Variants in NXPH1 observed in about 807,000 individuals in gnomAD.
The protein encoded by NXPH1 is neurexophilin 1.
Under a neutral mutation model 23.7 loss-of-function variants are expected in NXPH1, and 5 were observed. The ratio of observed to expected loss-of-function variants is 0.21; its 90% CI spans 0.11 to 0.44. The LOEUF (loss-of-function observed/expected upper bound fraction) is 0.44. Among genes scored for constraint, NXPH1 ranks in the 20% least tolerant of loss-of-function variants. NXPH1 has a pLI of 0.99. For missense variants in NXPH1, 324 were observed against 321.6 expected (o/e 1.01, Z -0.06); for synonymous variants, 144 against 122.2 (o/e 1.18, Z -1.18).
intron 2 of NXPH1, among the ~76,000 whole-genome samples, chr7:8,450,870 C>G (rs1431129368): frequency 6.6e-6 from 1 of 152,184 alleles, no homozygotes; most frequent in Non-Finnish European, 1.5e-5. Flanking sequence ...TTCTAGTAAT[C>G]TACTTTTTAA....
At chr7:8,468,275 C>A (rs868412521) in intron 2 of NXPH1, among the ~76,000 whole-genome samples, 3 of 152,028 alleles carry the variant, frequency 2.0e-5, no homozygotes, top group African/African-American at 7.2e-5. Flanking sequence ...TAAGAATGAT[C>A]TTTCCTTGGA....
At chr7:8,578,657 C>A (rs2128623279) in intron 2 of NXPH1, among the ~76,000 whole-genome samples, 2 of 152,226 alleles carry the variant, frequency 1.3e-5, no homozygotes, top group East Asian at 3.9e-4. Flanking sequence ...GAGGTCATAG[C>A]AGAAATAAAG....
intron 2 of NXPH1, among the ~76,000 whole-genome samples, chr7:8,677,642 A>G (rs934710195): frequency 5.3e-5 from 8 of 152,152 alleles, no homozygotes; most frequent in Admixed American, 2.6e-4. Context: ...GTGAAATGAA[A>G]AAAGAAAGAA....
At chr7:8,608,577 T>C (rs1179634273) in intron 2 of NXPH1, among the ~76,000 whole-genome samples, 1 of 152,094 alleles carries the variant, frequency 6.6e-6, no homozygotes, top group Admixed American at 6.6e-5. Flanking sequence ...AAGTAAAATA[T>C]AGAAATTTGA....
intron 2 of NXPH1, among the ~76,000 whole-genome samples, chr7:8,714,054 G>T (rs545257456): frequency 7.9e-5 from 12 of 152,208 alleles, no homozygotes; most frequent in Non-Finnish European, 1.8e-4. Context: ...GGTGGGTTCA[G>T]AAATGCAGTC....
At chr7:8,448,633 A>G (rs1456189110) in intron 2 of NXPH1, among the ~76,000 whole-genome samples, 1 of 152,098 alleles carries the variant, frequency 6.6e-6, no homozygotes, top group African/African-American at 2.4e-5. Context: ...CCTGGGCAAC[A>G]TGGTGAAACC....
At chr7:8,552,579 G>A (rs1326080104) in intron 2 of NXPH1, among the ~76,000 whole-genome samples, 3 of 151,566 alleles carry the variant, frequency 2.0e-5, no homozygotes, top group East Asian at 3.9e-4. Context: ...TTAACCTTGT[G>A]CTGTGTAGAG....
At chr7:8,464,891 G>A (rs983917619) in intron 2 of NXPH1, among the ~76,000 whole-genome samples, 2 of 152,172 alleles carry the variant, frequency 1.3e-5, no homozygotes, top group African/African-American at 4.8e-5. Context: ...CCATGTTCTG[G>A]AAGGCCTGAA....
At chr7:8,715,630 A>G (rs773588456) in intron 2 of NXPH1, among the ~76,000 whole-genome samples, 4 of 152,224 alleles carry the variant, frequency 2.6e-5, no homozygotes, top group Non-Finnish European at 5.9e-5. Context: ...ATTAAAAATA[A>G]AATGATTTGG....
At chr7:8,702,458 C>T (rs1779639440) in intron 2 of NXPH1, among the ~76,000 whole-genome samples, 1 of 152,108 alleles carries the variant, frequency 6.6e-6, no homozygotes, top group Non-Finnish European at 1.5e-5. Flanking sequence ...TCCTTGGATT[C>T]ACATTACTGC....
At chr7:8,605,511 CAG>C (rs893237412) in intron 2 of NXPH1, among the ~76,000 whole-genome samples, 3 of 152,224 alleles carry the variant, frequency 2.0e-5, no homozygotes, top group African/African-American at 7.2e-5. Context: ...TTACTTGTCA[CAG>C]AGAGGAGCTC....
At chr7:8,632,844 C>G (rs1225398342) in intron 2 of NXPH1, among the ~76,000 whole-genome samples, 1 of 152,166 alleles carries the variant, frequency 6.6e-6, no homozygotes, top group Non-Finnish European at 1.5e-5. Flanking sequence ...TATTGAACCA[C>G]AGTCTACTTA....
chr7:8,646,540 TA>T (rs1820402489), intron 2 of NXPH1, among the ~76,000 whole-genome samples: 1 of 152,146 alleles, frequency 6.6e-6, no homozygotes, highest in Non-Finnish European at 1.5e-5. Flanking sequence ...TTCTTGCTTT[TA>T]AAAGAAATAT....
At chr7:8,512,516 A>C (rs1335149950) in intron 2 of NXPH1, among the ~76,000 whole-genome samples, 1 of 152,050 alleles carries the variant, frequency 6.6e-6, no homozygotes, top group Non-Finnish European at 1.5e-5. Flanking sequence ...GATATTTGAG[A>C]GGGTGATTAT....
At chr7:8,653,724 C>T (rs1820525956) in intron 2 of NXPH1, among the ~76,000 whole-genome samples, 1 of 152,182 alleles carries the variant, frequency 6.6e-6, no homozygotes, top group African/African-American at 2.4e-5. Flanking sequence ...CCATCTGCTT[C>T]TTTGGGTAAT....
intron 2 of NXPH1, among the ~76,000 whole-genome samples, chr7:8,495,666 C>T (rs1487951403): frequency 6.6e-6 from 1 of 151,938 alleles, no homozygotes; most frequent in Non-Finnish European, 1.5e-5. Flanking sequence ...TGTGGATATG[C>T]AGAGGAAGAA....
chr7:8,483,302 C>T (rs748845803), intron 2 of NXPH1, among the ~76,000 whole-genome samples: 5 of 151,984 alleles, frequency 3.3e-5, no homozygotes, highest in African/African-American at 1.2e-4. Flanking sequence ...TTAAGCATTG[C>T]TCTTAGCACT....
chr7:8,475,732 C>T (rs916951011), intron 2 of NXPH1, among the ~76,000 whole-genome samples: 28 of 152,090 alleles, frequency 1.8e-4, no homozygotes, highest in Admixed American at 1.7e-3. Context: ...TTTACCTCTT[C>T]ACCTCTTCTA....
chr7:8,445,477 A>C (rs971097496), intron 2 of NXPH1, among the ~76,000 whole-genome samples: 1 of 152,198 alleles, frequency 6.6e-6, no homozygotes, highest in Non-Finnish European at 1.5e-5. Context: ...ACAATGCATA[A>C]ATTTACACAT....
Sources: gnomAD v4.1 joint callset for allele counts (sites outside exome capture counted in the v4.1 genomes callset) on GRCh38, gnomAD v4.1.1 for gene constraint, MANE v1.5 for transcripts, NCBI Gene and HGNC (gene_info 2026-07-23, HGNC 2026-07-21) for gene names.